The following SCRG1 variants were observed in gnomAD, a reference collection of about 807,000 sequenced individuals.
SCRG1 encodes stimulator of chondrogenesis 1, also known as scrapie-responsive protein 1.
Under a neutral mutation model 7.7 loss-of-function variants are expected in SCRG1, and 3 were observed. That is an observed-to-expected ratio of 0.39 (90% CI 0.18 to 1.01). SCRG1 has a LOEUF of 1.01. SCRG1 is among the 50% of genes least tolerant of loss of function. The pLI is 0.36. For synonymous variants in SCRG1, 46 were observed against 41.2 expected (o/e 1.12, Z -0.44); for missense variants, 110 against 117.2 (o/e 0.94, Z 0.28).
the SCRG1 span, among the ~76,000 whole-genome samples, chr4:173,485,779 G>T: frequency 6.6e-6 from 1 of 152,014 alleles, no homozygotes; most frequent in East Asian, 1.9e-4. Context: ...AGACCAGCCT[G>T]TTCAACATGG....
At chr4:173,420,376 C>T in the SCRG1 span, among the ~76,000 whole-genome samples, 5 of 152,144 alleles carry the variant, frequency 3.3e-5, no homozygotes, top group Non-Finnish European at 7.4e-5. Context: ...GTTTTGTTTA[C>T]TGCAATCTTT....
chr4:173,443,941 TTTTGTGTG>T, the SCRG1 span, among the ~76,000 whole-genome samples: 1 of 115,860 alleles, frequency 8.6e-6, no homozygotes, highest in Admixed American at 1.0e-4. Context: ...AAAGAGCTTG[TTTTGTGTG>T]TGTGTGTGTG....
chr4:173,457,183 A>G, the SCRG1 span, among the ~76,000 whole-genome samples: 4,984 of 152,326 alleles, frequency 0.033, 309 homozygotes, highest in African/African-American at 0.11. Flanking sequence ...AGGAAAGTGT[A>G]CCAGGGCAGA....
At chr4:173,457,153 G>A in the SCRG1 span, among the ~76,000 whole-genome samples, 6 of 152,186 alleles carry the variant, frequency 3.9e-5, no homozygotes, top group East Asian at 1.9e-4. Context: ...GACCCATGGC[G>A]CTTAACAAAA....
chr4:173,422,973 T>G, the SCRG1 span, among the ~76,000 whole-genome samples: 1 of 152,194 alleles, frequency 6.6e-6, no homozygotes, highest in Non-Finnish European at 1.5e-5. Flanking sequence ...TAAAAAGCAG[T>G]CTCCAAGGAT....
At position 173,388,138 on chromosome 4, in the gene SCRG1, G is replaced by T; in HGVS notation, c.*203C>A. 3 of 454,356 alleles carry T rather than the reference G, an allele frequency of 6.6e-6. No individual in the cohort carries two copies. The highest frequency in any genetic ancestry group is 1.2e-5 in the Non-Finnish European group (3 of 260,530). The allele number at this position is 454,356 out of a possible 1,614,324, so 28.1% of individuals were successfully genotyped here. On this transcript the variant is annotated 3_prime_UTR_variant, in exon 3 of 3. Transcript: ENST00000296506. ...TTTCTAGGCAAAATTTTTAACCAAT[G>T]CCAACAATGTCCACAGAGAAAAATT...
At chr4:173,400,957 G>A (rs1739746166), upstream of SCRG1, among the ~76,000 whole-genome samples, 2 of 152,200 alleles carry the variant, frequency 1.3e-5, no homozygotes, top group South Asian at 4.1e-4. Context: ...AGCCAAAGAA[G>A]TAGGGGAAAA....
chr4:173,404,854 G>T (rs895886666), intron 1 of SCRG1, among the ~76,000 whole-genome samples: 8 of 152,050 alleles, frequency 5.3e-5, no homozygotes, highest in Admixed American at 4.6e-4. Flanking sequence ...ATGAGTATAT[G>T]ATTCTAAATA....
the SCRG1 span, among the ~76,000 whole-genome samples, chr4:173,488,224 T>C: frequency 6.6e-6 from 1 of 152,164 alleles, no homozygotes. Context: ...CTGGGACATT[T>C]AGGAATAAGT....
At position 173,384,892 on chromosome 4, in the gene SCRG1, G is replaced by C. The variant is rs1484160900; in HGVS notation, c.*3449C>G. The C allele has an allele frequency of 6.6e-6, 1 of 152,154 alleles. No homozygotes were observed. Among genetic ancestry groups the C allele is most frequent in the Non-Finnish European group, 1.5e-5 (1 of 68,020 alleles). 9.4% of individuals were successfully genotyped at this position (152,154 alleles called of 1,614,324 possible). A position where few individuals can be genotyped will look rare whatever the true frequency, so the allele number is the denominator to read the frequency against. On this transcript the variant is annotated 3_prime_UTR_variant, in exon 3 of 3. Transcript: ENST00000296506. ...AGCTATCTGAAATGTACAATTGTGT[G>C]TCCTATCCATGTAAAAGTTTGCCTT...
At chr4:173,482,950 T>A in the SCRG1 span, among the ~76,000 whole-genome samples, 1 of 134,984 alleles carries the variant, frequency 7.4e-6, no homozygotes, top group Admixed American at 8.5e-5. Flanking sequence ...AAATATATAA[T>A]ATATTGTACA....
At chr4:173,448,820 G>A in the SCRG1 span, among the ~76,000 whole-genome samples, 1 of 152,202 alleles carries the variant, frequency 6.6e-6, no homozygotes, top group Non-Finnish European at 1.5e-5. Context: ...TAACTTGGCA[G>A]ATAGTATTAA....
the SCRG1 span, among the ~76,000 whole-genome samples, chr4:173,429,733 A>G: frequency 4.6e-5 from 7 of 152,224 alleles, no homozygotes; most frequent in Non-Finnish European, 7.3e-5. Context: ...GACATTTTCA[A>G]TGTAAGTCTA....
At chr4:173,431,130 A>G in the SCRG1 span, among the ~76,000 whole-genome samples, 9 of 152,328 alleles carry the variant, frequency 5.9e-5, no homozygotes, top group African/African-American at 2.2e-4. Context: ...AATAATTTTT[A>G]AAAAGAAAAG....
At chr4:173,398,554 G>A (rs1240326836) in intron 1 of SCRG1, 1 of 152,224 alleles carries the variant, frequency 6.6e-6, no homozygotes. Context: ...CACCAAGGAT[G>A]AATTCAATGA....
At chr4:173,409,146 A>G (rs1739986524), upstream of SCRG1, among the ~76,000 whole-genome samples, 1 of 152,160 alleles carries the variant, frequency 6.6e-6, no homozygotes, top group Non-Finnish European at 1.5e-5. Context: ...AGGACTTTTT[A>G]ACCAATAAGC....
At chr4:173,442,737 A>G in the SCRG1 span, among the ~76,000 whole-genome samples, 1 of 152,172 alleles carries the variant, frequency 6.6e-6, no homozygotes, top group Non-Finnish European at 1.5e-5. Flanking sequence ...GCTGTGTCAT[A>G]TCATCGTGGA....
chr4:173,507,947 C>T, the SCRG1 span, among the ~76,000 whole-genome samples: 1 of 152,326 alleles, frequency 6.6e-6, no homozygotes, highest in Admixed American at 6.5e-5. The surrounding 1 kb of genome is among the most constrained non-coding windows in gnomAD (Gnocchi z 4.4). Flanking sequence ...CCTGCTGCCC[C>T]GAGTGCGGCT....
chr4:173,398,386 T>C (rs142640374), intron 1 of SCRG1: 1 of 152,278 alleles, frequency 6.6e-6, no homozygotes, highest in East Asian at 1.9e-4. Context: ...ACACAGTAAA[T>C]CATCATCACT....
Sources: allele counts gnomAD v4.1 joint callset (sites outside exome capture counted in the v4.1 genomes callset), GRCh38; gene constraint gnomAD v4.1.1; non-coding constraint Gnocchi (gnomAD v3.1); transcripts MANE v1.5; gene names NCBI Gene and HGNC (gene_info 2026-07-23, HGNC 2026-07-21).